MEP1B: variants seen among roughly 807,000 people sequenced by gnomAD.
MEP1B encodes meprin A subunit beta, also known as N-benzoyl-L-tyrosyl-P-amino-benzoic acid hydrolase subunit beta.
A neutral mutation model predicts 84.6 loss-of-function variants in MEP1B; 80 were observed. The ratio of observed to expected loss-of-function variants is 0.95; its 90% confidence interval spans 0.79 to 1.14. MEP1B has a LOEUF of 1.14. Ranked by LOEUF, MEP1B falls within the 50% of genes most tolerant of loss-of-function variation. The probability of loss-of-function intolerance (pLI) is 0.00; values close to 1 mark genes in which losing one functional copy is unlikely to be tolerated. For synonymous variants in MEP1B, 273 were observed against 288.1 expected, an observed-to-expected ratio of 0.95 and a Z score of 0.53; for missense variants, 766 against 855.1, an observed-to-expected ratio of 0.90 and a Z score of 1.30.
chr18:32,201,305 C>CACACACAA (rs1273327328), intron 5 of MEP1B, among the ~76,000 whole-genome samples: 1 of 146,554 alleles, frequency 6.8e-6, no homozygotes, highest in African/African-American at 2.6e-5. Flanking sequence ...TAGATACACA[C>CACACACAA]ACACACACAC....
chr18:32,204,805 A>T (rs2040948187), intron 7 of MEP1B, among the ~76,000 whole-genome samples: 2 of 152,218 alleles, frequency 1.3e-5, no homozygotes, highest in Non-Finnish European at 2.9e-5. Flanking sequence ...GCTGTGTCAC[A>T]TACCATGACA....
chr18:32,207,508 G>T, intron 8 of MEP1B, 38 bp downstream of exon 8: 1 of 1,414,722 alleles, frequency 7.1e-7, no homozygotes, highest in Non-Finnish European at 9.9e-7. Flanking sequence ...TATATTTTCC[G>T]CTGTTATGTA....
chr18:32,193,053 C>T (rs2040818173), intron 4 of MEP1B, among the ~76,000 whole-genome samples: 2 of 152,130 alleles, frequency 1.3e-5, no homozygotes, highest in Non-Finnish European at 2.9e-5. Flanking sequence ...TAACTCATTA[C>T]ATATGTCTTA....
intron 9 of MEP1B, among the ~76,000 whole-genome samples, chr18:32,209,272 A>C (rs2040997993): frequency 6.6e-6 from 1 of 152,120 alleles, no homozygotes; most frequent in Admixed American, 6.5e-5. Flanking sequence ...GGATTACCTG[A>C]GGTTGGGAGT....
chr18:32,197,783 T>C lies in MEP1B; in HGVS notation c.250+2298T>C, dbSNP rs147554645. Among the ~76,000 whole-genome samples the C allele has an allele frequency of 1.4e-4, 21 of 152,310 alleles. No individual in the cohort carries two copies. The East Asian group carries it at 3.7e-3, about 27-fold the overall frequency. On this transcript the variant is annotated intron_variant, in intron 5 of 14. Transcript: ENST00000269202. The stretch of plus-strand genomic sequence containing the variant: ...TCAGTGGGTACGTGTGCAGGTTTGT[T>C]ACATGGGTGTGTTGCATGATGCTGA...
rs774090190 is a variant in MEP1B at position 32,213,346 on chromosome 18, T to A, written c.1366T>A (p.Ser456Thr). The A allele has an allele frequency of 6.2e-7, 1 of 1,613,884 alleles. No homozygotes were observed. ...GTLYSPPFYSSKGYAFQIYLN... is the reference protein window; with the variant it reads ...GTLYSPPFYSTKGYAFQIYLN... ...TCTGTATAGCCCTCCATTTTACTCT[T>A]CTAAAGGTTATGCCTTTCAGATTTA... is the stretch of plus-strand genomic sequence containing the variant. The change falls in exon 11 of 15, where the codon TCT (serine) becomes ACT (threonine). Residue 456 changes from serine to threonine, a missense_variant. Ser to Thr is a moderately conservative substitution (Grantham distance 58). Coordinates refer to ENST00000269202, the MANE Select transcript of MEP1B (RefSeq NM_005925.3).
At chr18:32,214,740 T>G (rs1433642379) in intron 11 of MEP1B, among the ~76,000 whole-genome samples, 1 of 152,246 alleles carries the variant, frequency 6.6e-6, no homozygotes, top group Non-Finnish European at 1.5e-5. Flanking sequence ...CTTAGTAGCC[T>G]TGAAGCCTAT....
chr18:32,209,691 C>T (rs1300987739), intron 9 of MEP1B, among the ~76,000 whole-genome samples: 1 of 67,026 alleles, frequency 1.5e-5, no homozygotes, highest in Non-Finnish European at 2.7e-5. Context: ...TGTGAATCTC[C>T]CCAGATGGTT....
chr18:32,213,487 G>A lies in MEP1B; in HGVS notation c.1507G>A (p.Asp503Asn), dbSNP rs1306694192. ...GCAACAAGCCACAATGACACTTTTG[G>A]ATCAAAATCCTGACATTCGACAGCG... ...PWQQATMTLL[D>N]QNPDIRQRMS... Residue 503 changes from aspartate to asparagine, a missense_variant, in exon 11 of 15, where the codon GAT (aspartate) becomes AAT (asparagine). Coordinates refer to ENST00000269202, the MANE Select transcript of MEP1B (RefSeq NM_005925.3). 1 of 1,613,916 alleles carries A rather than the reference G, an allele frequency of 6.2e-7. No homozygotes were observed. Among genetic ancestry groups the A allele is most frequent in the South Asian group, 1.1e-5 (1 of 91,076 alleles).
intron 14 of MEP1B, 68 bp downstream of exon 14, chr18:32,218,033 AT>A: frequency 3.5e-6 from 5 of 1,422,866 alleles, no homozygotes; most frequent in South Asian, 1.2e-5. Flanking sequence ...GAACTAGGAC[AT>A]TTTTTATATA....
In MEP1B at chr18:32,190,128, G is replaced by A; in HGVS notation, c.58G>A (p.Gly20Ser). 6.2e-7 allele frequency: 1 copy of A among 1,612,570 alleles called. No individual in the cohort carries two copies. Among genetic ancestry groups the A allele is most frequent in the Non-Finnish European group, 8.5e-7 (1 of 1,179,024 alleles). The stretch of plus-strand genomic sequence containing the variant: ...CTTGGATGCTCTTCTCGTGATTTCT[G>A]GCTTGGTAAGGAAACAGTATATAGA... Reference protein sequence around the residue: ...LFLDALLVISGLATPENFDVD... With the variant: ...LFLDALLVISSLATPENFDVD... The change falls in exon 1 of 15, where the codon GGC becomes AGC. Residue 20 changes from glycine (G) to serine (S), a missense_variant. By Grantham distance (56) the Gly-to-Ser change is moderately conservative. Coordinates refer to ENST00000269202, the MANE Select transcript of MEP1B (RefSeq NM_005925.3).
In MEP1B at chr18:32,207,459, T is replaced by C. The variant is rs748745341; in HGVS notation, c.755T>C (p.Leu252Pro). The change falls in exon 8 of 15, where the codon CTG becomes CCG. Residue 252 changes from leucine (L) to proline (P), a missense_variant. Transcript: ENST00000269202. The part of the protein sequence containing the change: ...SDSDLLKLNQ[L>P]YNCSSSLSFM... ...TCTGATCTCCTAAAGTTGAATCAAC[T>C]GTATAACTGCTGTATGTGACAGGTT... 3 of 1,605,916 alleles carry C rather than the reference T, an allele frequency of 1.9e-6. No homozygotes were observed. Among genetic ancestry groups the C allele is most frequent in the Non-Finnish European group, 1.7e-6 (2 of 1,174,060 alleles).
chr18:32,203,221 GTGGA>G, intron 6 of MEP1B: 2 of 451,830 alleles, frequency 4.4e-6, no homozygotes, highest in South Asian at 8.4e-5. Flanking sequence ...AAAGTGGAAA[GTGGA>G]TGGGATTGCA....
chr18:32,194,898 A>G (rs2040837295), intron 4 of MEP1B, among the ~76,000 whole-genome samples: 1 of 152,176 alleles, frequency 6.6e-6, no homozygotes, highest in Middle Eastern at 3.4e-3. Context: ...CTTTATTACC[A>G]AGGAATCTCT....
intron 9 of MEP1B, among the ~76,000 whole-genome samples, chr18:32,209,031 G>A (rs193288788): frequency 1.4e-4 from 21 of 152,302 alleles, no homozygotes; most frequent in Non-Finnish European, 3.1e-4. Context: ...TCCAGACCAG[G>A]TAGCTCTCAC....
chr18:32,199,804 A>G (rs1178207276), intron 5 of MEP1B, among the ~76,000 whole-genome samples: 2 of 151,822 alleles, frequency 1.3e-5, no homozygotes, highest in Non-Finnish European at 2.9e-5. Context: ...CCTTCCAAGT[A>G]TCTGGGACCA....
At chr18:32,214,946 A>G (rs2041066719) in intron 11 of MEP1B, 136 bp from the exon 12 acceptor site, 1 of 646,064 alleles carries the variant, frequency 1.5e-6, no homozygotes, top group Non-Finnish European at 2.7e-6. Context: ...TTGCCAGGGA[A>G]TACATCACAG....
In MEP1B at chr18:32,208,101, G is replaced by T. The variant is rs370262667; in HGVS notation, c.767-18G>T. 6.2e-7 allele frequency: 1 copy of T among 1,612,012 alleles called. No homozygotes were observed. The highest frequency in any genetic ancestry group is 1.1e-5 in the South Asian group (1 of 90,814). ...TCATGTTGTATGAGTGTCAATAATT[G>T]TTTTTTGCTTTTTGTAGCCTCTTCC... On this transcript the variant is annotated intron_variant, in intron 8 of 14. Transcript: ENST00000269202.
At position 32,204,284 on chromosome 18, in the gene MEP1B, T is replaced by C. The variant is rs771949260; in HGVS notation, c.471T>C (p.Ala157=). The change falls in exon 7 of 15, where the codon GCT becomes GCC. Residue 157 remains alanine (A), a synonymous_variant. Coordinates refer to ENST00000269202, the MANE Select transcript of MEP1B (RefSeq NM_005925.3). ...CAGTTCAACACGAGTTCCTCCACGC[T>C]CTGGGATTCTGGCATGAGCAGTCGC... ...IATVQHEFLH[A]LGFWHEQSRS... The C allele has an allele frequency of 6.2e-7, 1 of 1,603,610 alleles. No individual in the cohort carries two copies.
Sources: gnomAD v4.1 joint callset for allele counts (sites outside exome capture counted in the v4.1 genomes callset) on GRCh38, gnomAD v4.1.1 for gene constraint, MANE v1.5 for transcripts, NCBI Gene and HGNC (gene_info 2026-07-23, HGNC 2026-07-21) for gene names.